The following ARRB2 variants were observed in gnomAD, a reference collection of about 807,000 sequenced individuals.
The protein encoded by ARRB2 is beta-arrestin-2.
ARRB2 carries 21 observed loss-of-function variants against 53.4 expected under a neutral mutation model. That is an observed-to-expected ratio of 0.39 (90% confidence interval 0.28 to 0.57). The LOEUF (loss-of-function observed/expected upper bound fraction) is 0.57. ARRB2 is among the 20% of genes least tolerant of loss of function. The probability of loss-of-function intolerance (pLI) is 0.55; values close to 1 mark genes in which losing one functional copy is unlikely to be tolerated. For synonymous variants in ARRB2, 180 were observed against 212.9 expected (o/e 0.85, Z 1.34); for missense variants, 369 against 527.5 (o/e 0.70, Z 2.94).
rs1915194652 is a variant in ARRB2 at position 4,717,493 on chromosome 17, TC to T, written c.418-188del. 2 of 886,674 alleles carry T rather than the reference TC, an allele frequency of 2.3e-6. No homozygotes were observed. Among genetic ancestry groups the T allele is most frequent in the Admixed American group, 2.3e-5 (1 of 42,706 alleles). The allele number at this position is 886,674 out of a possible 1,614,324, so 54.9% of individuals were successfully genotyped here. ...CCCGCATGGATCTGGGGATGGGGGC[TC>T]CCCTTGCACTACCATGACCAAGCCT... is the stretch of plus-strand genomic sequence containing the variant. On this transcript the variant is annotated intron_variant, in intron 6 of 14. Transcript: ENST00000269260. The surrounding 1 kb of genome is among the most constrained non-coding windows in gnomAD (Gnocchi z 6.0).
In ARRB2 at chr17:4,719,857, C is replaced by T. The variant is rs950818303; in HGVS notation, c.918-359C>T. 8.5e-5 allele frequency among the ~76,000 whole-genome samples: 13 copies of T among 152,234 alleles called. No individual in the cohort carries two copies. In the South Asian group the frequency reaches 2.3e-3, roughly 27 times the overall value. ...CACAAAGGGCTGGATTTCACCTCTC[C>T]GGATGCCTTTGTTCAGGGTTCTCAC... On this transcript the variant is annotated intron_variant, in intron 11 of 14. Transcript: ENST00000269260.
intron 14 of ARRB2, 122 bp downstream of exon 14, chr17:4,720,762 A>T: frequency 9.1e-7 from 1 of 1,099,868 alleles, no homozygotes; most frequent in South Asian, 1.5e-5. Flanking sequence ...TCAAATCAAG[A>T]TGCCTTAGCC....
chr17:4,717,441 G>C lies in ARRB2; in HGVS notation c.417+165G>C. 2 of 919,508 alleles carry C rather than the reference G, an allele frequency of 2.2e-6. No homozygotes were observed. Among genetic ancestry groups the C allele is most frequent in the Non-Finnish European group, 3.4e-6 (2 of 586,824 alleles). 57.0% of individuals were successfully genotyped at this position (919,508 alleles called of 1,614,324 possible). A position where few individuals can be genotyped will look rare whatever the true frequency, so the allele number is the denominator to read the frequency against. ...GGCGTATGTGGTGGTCATTGTGCAC[G>C]CATGACACTGCCTCCTGCTCTGTGG... On this transcript the variant is annotated intron_variant, in intron 6 of 14. Coordinates refer to ENST00000269260, the MANE Select transcript of ARRB2 (RefSeq NM_004313.4). This position sits in a 1 kb window ranked among gnomAD's most constrained non-coding sequence, Gnocchi z 6.0.
rs376736011 is a variant in ARRB2, at chr17:4,720,175, G to T, written c.918-41G>T. On this transcript the variant is annotated intron_variant, in intron 11 of 14. Transcript: ENST00000269260. Reference sequence around the variant, plus strand: ...AACCCCACGGTGGGCCAGGTGACAGGGTGATAGGCCCTGGTCTGACTCCAA... The same window carrying T: ...AACCCCACGGTGGGCCAGGTGACAGTGTGATAGGCCCTGGTCTGACTCCAA... 2.5e-5 allele frequency: 39 copies of T among 1,577,434 alleles called. No individual in the cohort carries two copies. In the African/African-American group the frequency reaches 3.6e-4, roughly 15 times the overall value.
In ARRB2 at chr17:4,717,626, A is replaced by G; in HGVS notation, c.418-59A>G. 6.2e-7 allele frequency: 1 copy of G among 1,605,522 alleles called. No homozygotes were observed. Reference sequence around the variant, plus strand: ...GAGAGGAGGGAAGGGGGAGGAAGAAAGGGCAGTGATGGTGGCGGGAGCCTC... The same window carrying G: ...GAGAGGAGGGAAGGGGGAGGAAGAAGGGGCAGTGATGGTGGCGGGAGCCTC... On this transcript the variant is annotated intron_variant, in intron 6 of 14. Coordinates refer to ENST00000269260, the MANE Select transcript of ARRB2 (RefSeq NM_004313.4). The surrounding 1 kb of genome is among the most constrained non-coding windows in gnomAD (Gnocchi z 6.0).
intron 1 of ARRB2, among the ~76,000 whole-genome samples, chr17:4,712,129 G>A (rs1156417784): frequency 6.6e-6 from 1 of 152,210 alleles, no homozygotes; most frequent in African/African-American, 2.4e-5. Context: ...GCTCCTAATG[G>A]GAGGACACCC....
Position 4,717,650 on chromosome 17 carries a change from T to C in ARRB2, c.418-35T>C, listed in dbSNP as rs796803344. 1 of 1,613,558 alleles carries C rather than the reference T, an allele frequency of 6.2e-7. No individual in the cohort carries two copies. ...AAGGGCAGTGATGGTGGCGGGAGCCTCCGGTAAGATGTGGCCTTTTCTCCC... is the reference window on the plus strand; with the variant it reads ...AAGGGCAGTGATGGTGGCGGGAGCCCCCGGTAAGATGTGGCCTTTTCTCCC... On this transcript the variant is annotated intron_variant, in intron 6 of 14. Transcript: ENST00000269260. The surrounding 1 kb of genome is among the most constrained non-coding windows in gnomAD (Gnocchi z 6.0).
intron 1 of ARRB2, among the ~76,000 whole-genome samples, chr17:4,713,000 A>T (rs1022802598): frequency 6.6e-6 from 1 of 152,154 alleles, no homozygotes; most frequent in African/African-American, 2.4e-5. Flanking sequence ...TTATTTATTT[A>T]TTTTTTGAGA....
At chr17:4,712,487 C>G (rs925830132) in intron 1 of ARRB2, among the ~76,000 whole-genome samples, 7 of 152,258 alleles carry the variant, frequency 4.6e-5, no homozygotes, top group African/African-American at 1.7e-4. Flanking sequence ...TACCCAGACA[C>G]TGTGGTAACC....
At chr17:4,716,387 C>T in intron 4 of ARRB2, 25 bp from the exon 5 acceptor site, 1 of 1,614,034 alleles carries the variant, frequency 6.2e-7, no homozygotes. Flanking sequence ...GGCTCCTGAC[C>T]ACTCATCTCA....
intron 3 of ARRB2, 48 bp downstream of exon 3, chr17:4,716,081 G>C: frequency 6.2e-7 from 1 of 1,614,126 alleles, no homozygotes; most frequent in Non-Finnish European, 8.5e-7. Context: ...AGGGGAAGAA[G>C]TTCCCGGGCC....
At chr17:4,715,438 G>A in intron 2 of ARRB2, 2 of 282,788 alleles carry the variant, frequency 7.1e-6, no homozygotes, top group African/African-American at 2.2e-5. Context: ...TCTCTAGCTG[G>A]CTGGTTGGGC....
In ARRB2 at chr17:4,717,691, G is replaced by A. The variant is rs1915215432; in HGVS notation, c.424G>A (p.Gly142Ser). ...PGPEDTGKAC[G>S]VDFEIRAFCA... is the part of the protein sequence containing the mutation. Reference sequence around the variant, plus strand: ...CTTTTCTCCCCTCCCCGAGGCCTGCGGCGTAGACTTTGAGATTCGAGCCTT... The same window carrying A: ...CTTTTCTCCCCTCCCCGAGGCCTGCAGCGTAGACTTTGAGATTCGAGCCTT... Residue 142 changes from glycine (G) to serine (S), a missense_variant, in exon 7 of 15, where the codon GGC (glycine) becomes AGC (serine). By Grantham distance (56) the Gly-to-Ser change is moderately conservative. Coordinates refer to ENST00000269260, the MANE Select transcript of ARRB2 (RefSeq NM_004313.4). The surrounding 1 kb of genome is among the most constrained non-coding windows in gnomAD (Gnocchi z 6.0). 4 of 1,614,176 alleles carry A rather than the reference G, an allele frequency of 2.5e-6. No homozygotes were observed. Among genetic ancestry groups the A allele is most frequent in the Non-Finnish European group, 3.4e-6 (4 of 1,180,038 alleles).
rs751862122 is a variant in ARRB2 at position 4,717,778 on chromosome 17, T to C, written c.485+26T>C. 2 of 1,601,612 alleles carry C rather than the reference T, an allele frequency of 1.2e-6. No homozygotes were observed. The highest frequency in any genetic ancestry group is 2.2e-5 in the East Asian group (1 of 44,864). ...GTAAGGGAAGTGACCTCCTCTGTGG[T>C]GTAAGAGGAGGCTTTCCTCCCCGCT... On this transcript the variant is annotated intron_variant, in intron 7 of 14. Coordinates refer to ENST00000269260, the MANE Select transcript of ARRB2 (RefSeq NM_004313.4). The surrounding 1 kb of genome is among the most constrained non-coding windows in gnomAD (Gnocchi z 6.0).
chr17:4,718,684 A>G lies in ARRB2; in HGVS notation c.779A>G (p.Asp260Gly). The change falls in exon 10 of 15, where the codon GAT becomes GGT. Residue 260 changes from aspartate to glycine, a missense_variant and splice_region_variant. Physicochemically the swap from Asp to Gly is moderately conservative, Grantham distance 94. Coordinates refer to ENST00000269260, the MANE Select transcript of ARRB2 (RefSeq NM_004313.4). ...YKCPVAQLEQ[D>G]DQVSPSSTFC... Reference sequence around the variant, plus strand: ...TGTCCTGTGGCTCAACTCGAACAAGAGTGAGTATCGGGAGAGACCCATGTT... The same window carrying G: ...TGTCCTGTGGCTCAACTCGAACAAGGGTGAGTATCGGGAGAGACCCATGTT... 6.2e-7 allele frequency: 1 copy of G among 1,612,786 alleles called. No homozygotes were observed. The highest frequency in any genetic ancestry group is 8.5e-7 in the Non-Finnish European group (1 of 1,179,478).
Position 4,720,382 on chromosome 17 carries a change from C to A in ARRB2, c.1002-11C>A, listed in dbSNP as rs371463111. The A allele has an allele frequency of 6.2e-7, 1 of 1,613,810 alleles. No homozygotes were observed. The highest frequency in any genetic ancestry group is 1.7e-5 in the Admixed American group (1 of 59,996). On this transcript the variant is annotated splice_polypyrimidine_tract_variant and intron_variant, in intron 12 of 14. Coordinates refer to ENST00000269260, the MANE Select transcript of ARRB2 (RefSeq NM_004313.4). ...CGTCGTCCTCTTCACGATGCCTCTCCCCTTCCCCAGGGATGTCTCTGTGGA... is the reference window on the plus strand; with the variant it reads ...CGTCGTCCTCTTCACGATGCCTCTCACCTTCCCCAGGGATGTCTCTGTGGA...
chr17:4,713,514 C>T (rs1914639157), intron 1 of ARRB2, among the ~76,000 whole-genome samples: 1 of 152,064 alleles, frequency 6.6e-6, no homozygotes, highest in Non-Finnish European at 1.5e-5. Context: ...GCCTGTAGTC[C>T]CAGCTACTCG....
At chr17:4,716,718 AC>A (rs1191019655) in intron 5 of ARRB2, 110 bp downstream of exon 5, 1 of 1,459,860 alleles carries the variant, frequency 6.8e-7, no homozygotes, top group Non-Finnish European at 9.0e-7. Flanking sequence ...TGAGGCAGGG[AC>A]CCTAGATCCA....
At chr17:4,720,164 C>T (rs1349854506) in intron 11 of ARRB2, 52 bp from the exon 12 acceptor site, 1 of 1,556,974 alleles carries the variant, frequency 6.4e-7, no homozygotes, top group East Asian at 2.4e-5. Context: ...CCACGGTGGG[C>T]CAGGTGACAG....
Sources: gnomAD v4.1 joint callset for allele counts (sites outside exome capture counted in the v4.1 genomes callset) on GRCh38, gnomAD v4.1.1 for gene constraint, Gnocchi (gnomAD v3.1) non-coding constraint, MANE v1.5 for transcripts, NCBI Gene and HGNC (gene_info 2026-07-23, HGNC 2026-07-21) for gene names.